The following SHC4 variants were observed in gnomAD, a reference collection of about 807,000 sequenced individuals.
The protein encoded by SHC4 is SHC-transforming protein 4.
A neutral mutation model predicts 69.4 loss-of-function variants in SHC4; 41 were observed. The ratio of observed to expected loss-of-function variants is 0.59; its 90% CI spans 0.46 to 0.77. The LOEUF (loss-of-function observed/expected upper bound fraction) is 0.77, where lower values mean the gene tolerates loss of function less well. Ranked by LOEUF, SHC4 falls within the 30% of genes least tolerant of loss-of-function variation. The pLI, the probability that SHC4 is intolerant of heterozygous loss-of-function variation, is 0.00. For synonymous variants in SHC4, 318 were observed against 299.3 expected, an observed-to-expected ratio of 1.06 and a Z score of -0.64; for missense variants, 777 against 783.8, an observed-to-expected ratio of 0.99 and a Z score of 0.10.
At chr15:48,869,807 C>T (rs1016394728) in intron 5 of SHC4, among the ~76,000 whole-genome samples, 5 of 152,164 alleles carry the variant, frequency 3.3e-5, no homozygotes, top group East Asian at 1.9e-4. Context: ...ATGGCACCGC[C>T]GCCAGATTTC....
rs1342663805 is a variant in SHC4 at position 48,851,227 on chromosome 15, T to G, written c.1264A>C (p.Ser422Arg). The change falls in exon 9 of 12, where the codon AGT becomes CGT. Residue 422 changes from serine to arginine, a missense_variant. By Grantham distance (110) the Ser-to-Arg change is moderately radical. Coordinates refer to ENST00000332408, the MANE Select transcript of SHC4 (RefSeq NM_203349.4). The stretch of plus-strand genomic sequence containing the variant: ...TGTTCTAAACAGTTCTCATATACAC[T>G]GCTGCACTTGGAGTTTCCAGGCTGC... ...CYLPGNSKCS[S>R]VYENCLEQSR... 1 of 1,613,994 alleles carries G rather than the reference T, an allele frequency of 6.2e-7. No individual in the cohort carries two copies. Among genetic ancestry groups the G allele is most frequent in the Non-Finnish European group, 8.5e-7 (1 of 1,179,990 alleles).
At chr15:48,844,967 A>G (rs1899059701) in intron 9 of SHC4, among the ~76,000 whole-genome samples, 1 of 152,204 alleles carries the variant, frequency 6.6e-6, no homozygotes, top group South Asian at 2.1e-4. Context: ...ATGAGAACAT[A>G]TGAATACAAC....
chr15:48,866,706 C>T (rs1230596092), intron 6 of SHC4, among the ~76,000 whole-genome samples: 2 of 152,170 alleles, frequency 1.3e-5, no homozygotes, highest in Non-Finnish European at 2.9e-5. Context: ...TTTATTTACT[C>T]CCCAGCATCC....
At chr15:48,889,722 T>A (rs1036671406) in intron 3 of SHC4, among the ~76,000 whole-genome samples, 8 of 152,122 alleles carry the variant, frequency 5.3e-5, no homozygotes, top group Non-Finnish European at 1.0e-4. Flanking sequence ...CGGGCTCCTG[T>A]GGTCCCAGCT....
intron 2 of SHC4, among the ~76,000 whole-genome samples, chr15:48,895,110 C>T (rs1252167297): frequency 2.0e-5 from 3 of 152,012 alleles, no homozygotes; most frequent in Admixed American, 6.6e-5. Flanking sequence ...TGGCCAGCCC[C>T]TATTTACTGA....
chr15:48,856,160 G>A (rs762576682), intron 7 of SHC4, 36 bp from the exon 8 acceptor site: 12 of 1,583,994 alleles, frequency 7.6e-6, no homozygotes, highest in South Asian at 2.3e-5. Flanking sequence ...GAGGCTGGGC[G>A]AAAATTCAAA....
rs1251679072 is a variant in SHC4, at chr15:48,878,527, C to T, written c.840+5721G>A. On this transcript the variant is annotated intron_variant, in intron 4 of 11. Transcript: ENST00000332408. The stretch of plus-strand genomic sequence containing the variant: ...ACGACTATCCCGAAGAGGAGCAGCT[C>T]AGTGGTGCCGGCTACAGAGTATCAG... The T allele has an allele frequency of 3.1e-6, 5 of 1,613,944 alleles. No individual in the cohort carries two copies. In the Admixed American group the frequency reaches 6.7e-5, roughly 22 times the overall value.
intron 1 of SHC4, among the ~76,000 whole-genome samples, chr15:48,956,634 A>G (rs1901458135): frequency 6.6e-6 from 1 of 151,894 alleles, no homozygotes; most frequent in Non-Finnish European, 1.5e-5. Context: ...CTACTCTTGG[A>G]TGCTGTTCTA....
chr15:48,946,429 G>T, intron 1 of SHC4: 1 of 340,830 alleles, frequency 2.9e-6, no homozygotes, highest in Non-Finnish European at 4.2e-6. Flanking sequence ...GCCTCCCACA[G>T]CAATGCCCAC....
intron 9 of SHC4, among the ~76,000 whole-genome samples, chr15:48,848,587 G>C (rs938456274): frequency 4.6e-5 from 7 of 152,026 alleles, no homozygotes; most frequent in African/African-American, 1.2e-4. Context: ...TATATCCCAG[G>C]CTCCAAACAA....
intron 4 of SHC4, chr15:48,879,180 A>G (rs544636858): frequency 1.2e-5 from 2 of 170,710 alleles, no homozygotes; most frequent in African/African-American, 4.8e-5. Flanking sequence ...CTTTTGAGTT[A>G]TTTGGACTGA....
At position 48,879,684 on chromosome 15, in the gene SHC4, G is replaced by C. The variant is rs539013022; in HGVS notation, c.840+4564C>G. ...AACAGTTATTCTATCAACTTTTAAA[G>C]GTTTTAAACCTGCCCAGAAATTACC... On this transcript the variant is annotated intron_variant, in intron 4 of 11. Transcript: ENST00000332408. 6.6e-5 allele frequency: 11 copies of C among 167,166 alleles called. No homozygotes were observed. In the East Asian group the frequency reaches 2.1e-3, roughly 32 times the overall value. The allele number at this position is 167,166 out of a possible 1,614,324, so 10.4% of individuals were successfully genotyped here.
chr15:48,856,665 G>A (rs891546514), intron 7 of SHC4, among the ~76,000 whole-genome samples: 5 of 151,702 alleles, frequency 3.3e-5, no homozygotes, highest in Non-Finnish European at 5.9e-5. Context: ...AACCATATGT[G>A]GCAAGTGGGT....
chr15:48,841,342 A>G (rs1333720890), intron 10 of SHC4, among the ~76,000 whole-genome samples: 1 of 152,232 alleles, frequency 6.6e-6, no homozygotes, highest in East Asian at 1.9e-4. Context: ...TGCACAGTTG[A>G]GTAAGCTTAA....
At chr15:48,906,610 G>A (rs563304481) in intron 2 of SHC4, among the ~76,000 whole-genome samples, 2 of 152,078 alleles carry the variant, frequency 1.3e-5, no homozygotes, top group South Asian at 2.1e-4. Context: ...AGCCTCAATC[G>A]CCATATTTAC....
intron 1 of SHC4, among the ~76,000 whole-genome samples, chr15:48,944,523 C>A (rs961839279): frequency 2.6e-5 from 4 of 152,028 alleles, no homozygotes; most frequent in Admixed American, 6.6e-5. Flanking sequence ...TTGAATGAGC[C>A]CAAAGATGGA....
At chr15:48,890,657 G>T in intron 3 of SHC4, 91 bp downstream of exon 3, 3 of 1,423,056 alleles carry the variant, frequency 2.1e-6, no homozygotes, top group South Asian at 1.2e-5. Flanking sequence ...GCTGGACCTT[G>T]GTCATATGGT....
intron 10 of SHC4, among the ~76,000 whole-genome samples, chr15:48,839,558 T>C (rs146722200): frequency 6.6e-6 from 1 of 152,358 alleles, no homozygotes; most frequent in Non-Finnish European, 1.5e-5. Flanking sequence ...CCAGCTCATG[T>C]AGTCTTCACA....
chr15:48,946,342 A>T (rs1901276087), intron 1 of SHC4, among the ~76,000 whole-genome samples: 1 of 152,196 alleles, frequency 6.6e-6, no homozygotes, highest in Non-Finnish European at 1.5e-5. Context: ...ATAAATAAAT[A>T]TATTACCCAT....
Sources: gnomAD v4.1 joint callset for allele counts (sites outside exome capture counted in the v4.1 genomes callset) on GRCh38, gnomAD v4.1.1 for gene constraint, MANE v1.5 for transcripts, NCBI Gene and HGNC (gene_info 2026-07-23, HGNC 2026-07-21) for gene names.